Variants in SGCZ observed in about 807,000 individuals in gnomAD.
SGCZ encodes the protein zeta-sarcoglycan.
Under a neutral mutation model 41.3 loss-of-function variants are expected in SGCZ, and 40 were observed. The ratio of observed to expected loss-of-function variants is 0.97; its 90% confidence interval spans 0.75 to 1.26. The LOEUF (loss-of-function observed/expected upper bound fraction) is 1.26. Ranked by LOEUF, SGCZ falls within the 50% of genes most tolerant of loss-of-function variation. The pLI, the probability that SGCZ is intolerant of heterozygous loss-of-function variation, is 0.00. For missense variants in SGCZ, 552 were observed against 369.8 expected (o/e 1.49, Z -4.04); for synonymous variants, 206 against 137.5 (o/e 1.50, Z -3.49).
At chr8:14,450,667 A>G (rs1211357612) in intron 2 of SGCZ, among the ~76,000 whole-genome samples, 1 of 152,196 alleles carries the variant, frequency 6.6e-6, no homozygotes, top group Non-Finnish European at 1.5e-5. Context: ...AAACCATACC[A>G]TAGTGACCAC....
chr8:14,188,159 C>G (rs946509981), intron 4 of SGCZ, among the ~76,000 whole-genome samples: 2 of 152,150 alleles, frequency 1.3e-5, no homozygotes, highest in South Asian at 2.1e-4. Flanking sequence ...GTGTTTCTAG[C>G]AGACCTATGT....
intron 2 of SGCZ, among the ~76,000 whole-genome samples, chr8:14,464,280 A>T (rs1800985006): frequency 6.6e-6 from 1 of 151,322 alleles, no homozygotes. Flanking sequence ...TTTTTTGGTT[A>T]CTAACTCAAT....
chr8:14,352,251 T>C (rs544602865), intron 2 of SGCZ, among the ~76,000 whole-genome samples: 32 of 152,110 alleles, frequency 2.1e-4, no homozygotes, highest in African/African-American at 7.7e-4. Flanking sequence ...GATCTAGGAA[T>C]CAGTATCAGC....
At chr8:15,213,255 C>T (rs1801295225) in intron 1 of SGCZ, among the ~76,000 whole-genome samples, 2 of 151,788 alleles carry the variant, frequency 1.3e-5, no homozygotes, top group Admixed American at 6.6e-5. Context: ...AGTAATCCTA[C>T]CCCTCAAATT....
intron 5 of SGCZ, among the ~76,000 whole-genome samples, chr8:14,162,996 G>T (rs781215712): frequency 6.6e-6 from 1 of 152,138 alleles, no homozygotes; most frequent in Non-Finnish European, 1.5e-5. Context: ...TCAGCCTCCT[G>T]AGTAGCTGGG....
chr8:14,450,435 A>T (rs944174065), intron 2 of SGCZ, among the ~76,000 whole-genome samples: 1 of 152,202 alleles, frequency 6.6e-6, no homozygotes, highest in African/African-American at 2.4e-5. Context: ...GAGGGTAATG[A>T]GCAGTATTGA....
chr8:14,344,859 G>C (rs953575038), intron 2 of SGCZ, among the ~76,000 whole-genome samples: 1 of 151,830 alleles, frequency 6.6e-6, no homozygotes, highest in Non-Finnish European at 1.5e-5. Context: ...ATAATCTCAA[G>C]TTTAGGAGAG....
chr8:14,566,310 TG>T (rs1371438112), intron 1 of SGCZ, among the ~76,000 whole-genome samples: 1 of 151,962 alleles, frequency 6.6e-6, no homozygotes, highest in Non-Finnish European at 1.5e-5. Context: ...AGACAGGAAA[TG>T]GGAAGGAGTA....
At chr8:14,699,929 G>C (rs548214154) in intron 1 of SGCZ, among the ~76,000 whole-genome samples, 1 of 151,868 alleles carries the variant, frequency 6.6e-6, no homozygotes, top group Non-Finnish European at 1.5e-5. Context: ...AGTCAAAATC[G>C]TTATTATTAA....
At chr8:14,317,358 C>T (rs1327221407) in intron 3 of SGCZ, among the ~76,000 whole-genome samples, 2 of 151,898 alleles carry the variant, frequency 1.3e-5, no homozygotes, top group South Asian at 4.1e-4. Flanking sequence ...ACTAAAGTTA[C>T]AAGTGCCAAG....
chr8:14,619,469 G>T (rs1054889589), intron 1 of SGCZ, among the ~76,000 whole-genome samples: 1 of 151,958 alleles, frequency 6.6e-6, no homozygotes, highest in Admixed American at 6.6e-5. Context: ...AAAAATAAAG[G>T]GTATTCAATT....
intron 1 of SGCZ, among the ~76,000 whole-genome samples, chr8:14,647,662 T>C (rs28722739): frequency 0.48 from 73,426 of 151,810 alleles, 18,358 homozygotes; most frequent in East Asian, 0.78. Flanking sequence ...TCATTCTAAA[T>C]GTGTCATTCA....
chr8:14,364,689 C>A (rs1056637357), intron 2 of SGCZ, among the ~76,000 whole-genome samples: 1 of 152,080 alleles, frequency 6.6e-6, no homozygotes, highest in African/African-American at 2.4e-5. Flanking sequence ...CCATTTGCAT[C>A]TAAAAGTATT....
At chr8:14,487,317 C>T (rs1050577131) in intron 2 of SGCZ, among the ~76,000 whole-genome samples, 2 of 151,878 alleles carry the variant, frequency 1.3e-5, no homozygotes, top group Admixed American at 1.3e-4. Context: ...AAAATACTTG[C>T]AAGTATGTTG....
intron 1 of SGCZ, among the ~76,000 whole-genome samples, chr8:15,030,752 G>A (rs932686395): frequency 1.1e-4 from 16 of 152,106 alleles, no homozygotes; most frequent in African/African-American, 3.9e-4. Context: ...CCTGGTTAAG[G>A]ACTACGGCGG....
intron 1 of SGCZ, among the ~76,000 whole-genome samples, chr8:14,950,549 T>C (rs886216829): frequency 2.6e-5 from 4 of 152,080 alleles, no homozygotes; most frequent in Admixed American, 6.6e-5. Flanking sequence ...AGCAGTATCT[T>C]TGAGCAGTAA....
chr8:14,309,750 CA>C (rs1199811803), intron 3 of SGCZ: 2 of 1,581,174 alleles, frequency 1.3e-6, no homozygotes, highest in Non-Finnish European at 1.7e-6. Flanking sequence ...AAAGCCTCTT[CA>C]AAAAGCAGAG....
At chr8:14,097,764 G>A (rs1412547926) in intron 7 of SGCZ, among the ~76,000 whole-genome samples, 1 of 152,040 alleles carries the variant, frequency 6.6e-6, no homozygotes, top group African/African-American at 2.4e-5. Flanking sequence ...TTATGAATCT[G>A]GGTGCTCCTG....
intron 3 of SGCZ, among the ~76,000 whole-genome samples, chr8:14,291,439 A>G (rs1479916629): frequency 6.6e-6 from 1 of 152,020 alleles, no homozygotes; most frequent in African/African-American, 2.4e-5. Flanking sequence ...ATTTTTAAAA[A>G]GAAAAAATCA....
Sources: gnomAD v4.1 joint callset for allele counts (sites outside exome capture counted in the v4.1 genomes callset) on GRCh38, gnomAD v4.1.1 for gene constraint, MANE v1.5 for transcripts, NCBI Gene and HGNC (gene_info 2026-07-23, HGNC 2026-07-21) for gene names.